Variants in RGL3 observed in about 807,000 individuals in gnomAD.
RGL3 encodes ral guanine nucleotide dissociation stimulator like 3.
In RGL3, 85 loss-of-function variants were observed where a neutral mutation model predicts 90.6. The ratio of observed to expected loss-of-function variants is 0.94; its 90% CI spans 0.79 to 1.12. RGL3 has a LOEUF of 1.12. Ranked by LOEUF, RGL3 falls within the 50% of genes most tolerant of loss-of-function variation. The pLI, the probability that RGL3 is intolerant of heterozygous loss-of-function variation, is 0.00. For missense variants in RGL3, 1,034 were observed against 939.2 expected (o/e 1.10, Z -1.32); for synonymous variants, 408 against 385.5 (o/e 1.06, Z -0.68).
At chr19:11,398,519 T>C (rs1968616055) in intron 16 of RGL3, among the ~76,000 whole-genome samples, 1 of 151,938 alleles carries the variant, frequency 6.6e-6, no homozygotes, top group Non-Finnish European at 1.5e-5. Flanking sequence ...CTAATGTTTT[T>C]ATTTTTAGTA....
Position 11,401,903 on chromosome 19 carries a change from C to T in RGL3, c.1484+108G>A, listed in dbSNP as rs183068088. ...CAGGTTGTAGTGGGGGATCAGGGCT[C>T]AAGAGGGGGTCTTGGGAGGAGCTGG... On this transcript the variant is annotated intron_variant, in intron 13 of 18. Transcript: ENST00000380456. 1.5e-4 allele frequency: 211 copies of T among 1,401,668 alleles called. 1 individual carries two copies. The African/African-American group carries it at 2.6e-3, about 17-fold the overall frequency. The allele number at this position is 1,401,668 out of a possible 1,614,324, so 86.8% of individuals were successfully genotyped here.
intron 13 of RGL3, among the ~76,000 whole-genome samples, chr19:11,401,315 G>T (rs917548804): frequency 6.8e-6 from 1 of 147,376 alleles, no homozygotes; most frequent in Non-Finnish European, 1.5e-5. Context: ...TCCAACCTCT[G>T]CCTCCCAGGC....
At chr19:11,396,404 A>ACACTTG (rs1968574131) in intron 18 of RGL3, among the ~76,000 whole-genome samples, 1 of 149,538 alleles carries the variant, frequency 6.7e-6, no homozygotes, top group African/African-American at 2.5e-5. Context: ...TCCTGACCTC[A>ACACTTG]AGTGATCCAC....
At chr19:11,399,982 G>A in intron 15 of RGL3, 31 bp from the exon 16 acceptor site, 1 of 1,578,342 alleles carries the variant, frequency 6.3e-7, no homozygotes. Flanking sequence ...GAGGTGGGGT[G>A]GCTGTGCTGA....
In RGL3 at chr19:11,418,743, C is replaced by G; in HGVS notation, c.75G>C (p.Ala25=). Residue 25 remains alanine, a synonymous_variant, in exon 2 of 19, where the codon GCG becomes GCC. Transcript: ENST00000380456. ...GCCGCCGCAGGGAGACACTGTACACCGCGCCGTCCTCGGTCTCTTCACCCC... is the reference window on the plus strand; with the variant it reads ...GCCGCCGCAGGGAGACACTGTACACGGCGCCGTCCTCGGTCTCTTCACCCC... ...QDWGEETEDG[A]VYSVSLRRQR... is the part of the protein sequence containing the mutation. The G allele has an allele frequency of 6.3e-7, 1 of 1,576,398 alleles. No homozygotes were observed. Among genetic ancestry groups the G allele is most frequent in the East Asian group, 2.3e-5 (1 of 43,578 alleles).
Position 11,402,712 on chromosome 19 carries a change from G to A in RGL3, c.1186-6C>T, listed in dbSNP as rs747767883. On this transcript the variant is annotated splice_polypyrimidine_tract_variant and splice_region_variant and intron_variant, in intron 9 of 18. Transcript: ENST00000380456. ...GATCCCTCAGTGGCCTCCTCCTGAG[G>A]GAAGAGAAAAACTGAGCCAGGTCTG... The A allele has an allele frequency of 3.1e-6, 5 of 1,612,296 alleles. No homozygotes were observed. The highest frequency in any genetic ancestry group is 4.2e-6 in the Non-Finnish European group (5 of 1,179,456).
chr19:11,407,854 CTT>C (rs1216071555), intron 5 of RGL3, among the ~76,000 whole-genome samples: 1 of 151,750 alleles, frequency 6.6e-6, no homozygotes, highest in Non-Finnish European at 1.5e-5. Context: ...GCCCAGCTAA[CTT>C]TTGTATTTTT....
intron 4 of RGL3, 65 bp from the exon 5 acceptor site, chr19:11,416,213 T>TA (rs2144742709): frequency 6.1e-6 from 6 of 991,136 alleles, no homozygotes; most frequent in East Asian, 5.6e-5. Context: ...TGACTCCTGG[T>TA]ACCTTTTTTT....
Position 11,419,133 on chromosome 19 carries a change from C to G in RGL3, c.33+113G>C, listed in dbSNP as rs1243310096. On this transcript the variant is annotated intron_variant, in intron 1 of 18. Coordinates refer to ENST00000380456, the MANE Select transcript of RGL3 (RefSeq NM_001035223.4). ...AGGGCCGCGAGTCCCCAGGAGGGGACTCCAGGGCAAGTTCAGATTGGGAGC... is the reference window on the plus strand; with the variant it reads ...AGGGCCGCGAGTCCCCAGGAGGGGAGTCCAGGGCAAGTTCAGATTGGGAGC... 2.5e-6 allele frequency: 3 copies of G among 1,218,470 alleles called. No homozygotes were observed. In the East Asian group the frequency reaches 7.9e-5, roughly 32 times the overall value. The allele number at this position is 1,218,470 out of a possible 1,614,324, so 75.5% of individuals were successfully genotyped here. A position where few individuals can be genotyped will look rare whatever the true frequency, so the allele number is the denominator to read the frequency against.
At chr19:11,416,784 C>T in intron 3 of RGL3, 52 bp downstream of exon 3, 1 of 1,603,686 alleles carries the variant, frequency 6.2e-7, no homozygotes. Context: ...GAGGGGGGTG[C>T]CCAGTTGGGG....
At chr19:11,414,144 T>C (rs1341765085) in intron 5 of RGL3, among the ~76,000 whole-genome samples, 1 of 77,326 alleles carries the variant, frequency 1.3e-5, no homozygotes, top group African/African-American at 5.3e-5. Flanking sequence ...CATATATATA[T>C]ATATATATAT....
intron 5 of RGL3, among the ~76,000 whole-genome samples, chr19:11,409,407 C>G (rs528820611): frequency 1.3e-5 from 2 of 151,864 alleles, no homozygotes; most frequent in South Asian, 2.1e-4. Context: ...CGTGAACCGG[C>G]GAGGCGGAGC....
rs576348911 is a variant in RGL3 at position 11,397,313 on chromosome 19, G to C, written c.1945C>G (p.Gln649Glu). 6.2e-7 allele frequency: 1 copy of C among 1,611,372 alleles called. No homozygotes were observed. Among genetic ancestry groups the C allele is most frequent in the East Asian group, 2.2e-5 (1 of 44,870 alleles). ...KAPSVVRRAL[Q>E]KHNVPQPWAC... ...CAGGGCTGGGGCACATTGTGCTTCTGCAAGGCTCGCCGGACCACGCTGGGG... is the reference window on the plus strand; with the variant it reads ...CAGGGCTGGGGCACATTGTGCTTCTCCAAGGCTCGCCGGACCACGCTGGGG... Residue 649 changes from glutamine to glutamate, a missense_variant, in exon 18 of 19, where the codon CAG becomes GAG. Coordinates refer to ENST00000380456, the MANE Select transcript of RGL3 (RefSeq NM_001035223.4).
chr19:11,411,820 G>T (rs1252056434), intron 5 of RGL3, among the ~76,000 whole-genome samples: 1 of 152,100 alleles, frequency 6.6e-6, no homozygotes, highest in African/African-American at 2.4e-5. Context: ...TCAACATGTT[G>T]CCCAGGCTAG....
At chr19:11,415,379 A>T (rs1444623614) in intron 5 of RGL3, among the ~76,000 whole-genome samples, 1 of 152,100 alleles carries the variant, frequency 6.6e-6, no homozygotes, top group Non-Finnish European at 1.5e-5. Flanking sequence ...AAAGACAAGT[A>T]TCAAGGCAAT....
chr19:11,413,748 TG>T (rs1179133399), intron 5 of RGL3, among the ~76,000 whole-genome samples: 3 of 148,538 alleles, frequency 2.0e-5, no homozygotes, highest in African/African-American at 7.3e-5. Context: ...TTTTGTTTTT[TG>T]GTTTTTTTTT....
At chr19:11,417,587 A>G (rs1285468496) in intron 2 of RGL3, among the ~76,000 whole-genome samples, 1 of 148,620 alleles carries the variant, frequency 6.7e-6, no homozygotes, top group African/African-American at 2.5e-5. Flanking sequence ...TCTCTGCCTC[A>G]GCCTCCCAAG....
At position 11,418,734 on chromosome 19, in the gene RGL3, A is replaced by T. The variant is rs1188316890; in HGVS notation, c.84T>A (p.Ser28Arg). The T allele has an allele frequency of 6.3e-7, 1 of 1,577,994 alleles. No homozygotes were observed. The highest frequency in any genetic ancestry group is 1.3e-5 in the African/African-American group (1 of 74,440). The part of the protein sequence containing the change: ...GEETEDGAVY[S>R]VSLRRQRSQR... ...GACTGCGCTGCCGCCGCAGGGAGAC[A>T]CTGTACACCGCGCCGTCCTCGGTCT... Residue 28 changes from serine to arginine, a missense_variant, in exon 2 of 19, where the codon AGT becomes AGA. By Grantham distance (110) the Ser-to-Arg change is moderately radical (BLOSUM62 -1). Transcript: ENST00000380456.
rs1431943591 is a variant in RGL3 at position 11,416,190 on chromosome 19, G to C, written c.426-42C>G. On this transcript the variant is annotated intron_variant, in intron 4 of 18. Coordinates refer to ENST00000380456, the MANE Select transcript of RGL3 (RefSeq NM_001035223.4). ...GGTCTCAGAGCTGGGTCCAGAGTGG[G>C]GGACATAGAATATGACTCCTGGTAC... 3 of 1,414,840 alleles carry C rather than the reference G, an allele frequency of 2.1e-6. No individual in the cohort carries two copies. In the East Asian group the frequency reaches 7.3e-5, roughly 35 times the overall value. The allele number at this position is 1,414,840 out of a possible 1,614,324, so 87.6% of individuals were successfully genotyped here.
Sources: allele counts gnomAD v4.1 joint callset (sites outside exome capture counted in the v4.1 genomes callset), GRCh38; gene constraint gnomAD v4.1.1; transcripts MANE v1.5; gene names NCBI Gene and HGNC (gene_info 2026-07-23, HGNC 2026-07-21).